The following CHSY3 variants were observed in gnomAD, a reference collection of about 807,000 sequenced individuals.
CHSY3 encodes N-acetylgalactosaminyl-proteoglycan 3-beta-glucuronosyltransferase 3.
In CHSY3, 35 loss-of-function variants were observed where a neutral mutation model predicts 67.2. The observed-to-expected ratio is 0.52, with a 90% CI of 0.40 to 0.69. The LOEUF (loss-of-function observed/expected upper bound fraction) is 0.69, where lower values mean the gene tolerates loss of function less well. Ranked by LOEUF, CHSY3 falls within the 30% of genes least tolerant of loss-of-function variation. The pLI is 0.00. For missense variants in CHSY3, 1,069 were observed against 1,138.5 expected (o/e 0.94, Z 0.88); for synonymous variants, 474 against 434.7 (o/e 1.09, Z -1.12).
At chr5:129,924,377 G>A (rs1018634718) in intron 2 of CHSY3, among the ~76,000 whole-genome samples, 3 of 152,088 alleles carry the variant, frequency 2.0e-5, no homozygotes, top group South Asian at 4.1e-4. Flanking sequence ...GCCGAGCGCA[G>A]TGGCTCATGC....
At chr5:130,041,616 T>G (rs1322628302) in intron 2 of CHSY3, among the ~76,000 whole-genome samples, 1 of 152,050 alleles carries the variant, frequency 6.6e-6, no homozygotes, top group African/African-American at 2.4e-5. Context: ...AAAGATAATA[T>G]TTAGTGAAAG....
At chr5:130,019,690 C>A (rs999692440) in intron 2 of CHSY3, among the ~76,000 whole-genome samples, 3 of 152,186 alleles carry the variant, frequency 2.0e-5, no homozygotes, top group African/African-American at 7.2e-5. Context: ...ACTACAATTT[C>A]ATAGGTGCTT....
chr5:129,912,545 G>T (rs973025347), intron 2 of CHSY3, among the ~76,000 whole-genome samples: 1 of 152,126 alleles, frequency 6.6e-6, no homozygotes, highest in Non-Finnish European at 1.5e-5. Context: ...CTTTTTCTCT[G>T]TCTTCTCTGC....
intron 2 of CHSY3, among the ~76,000 whole-genome samples, chr5:130,126,839 T>C (rs985541607): frequency 1.3e-5 from 2 of 152,180 alleles, no homozygotes; most frequent in Admixed American, 6.5e-5. Context: ...CCAGACTTTA[T>C]GGTCACATTG....
intron 2 of CHSY3, among the ~76,000 whole-genome samples, chr5:130,078,765 C>T (rs1161028465): frequency 6.6e-6 from 1 of 152,108 alleles, no homozygotes; most frequent in Non-Finnish European, 1.5e-5. Context: ...TTGCTCAGTG[C>T]TTGAACCTTC....
intron 2 of CHSY3, among the ~76,000 whole-genome samples, chr5:130,010,442 G>T (rs1764022306): frequency 6.6e-6 from 1 of 152,094 alleles, no homozygotes; most frequent in Admixed American, 6.6e-5. Flanking sequence ...AATGCAAACA[G>T]GGATACAATA....
chr5:130,141,040 T>C, intron 2 of CHSY3: 1 of 307,864 alleles, frequency 3.2e-6, no homozygotes, highest in Non-Finnish European at 5.3e-6. Flanking sequence ...TGGTTCATGG[T>C]TCTATTTGTA....
chr5:130,177,154 G>T, intron 2 of CHSY3, among the ~76,000 whole-genome samples: 1 of 150,346 alleles, frequency 6.7e-6, no homozygotes. Context: ...ACTTCATATG[G>T]GGCATATAAT....
intron 2 of CHSY3, among the ~76,000 whole-genome samples, chr5:130,072,357 TA>T (rs1416092005): frequency 6.6e-6 from 1 of 152,118 alleles, no homozygotes; most frequent in Non-Finnish European, 1.5e-5. Flanking sequence ...ACTTTTATTC[TA>T]ATGTCATTCT....
intron 2 of CHSY3, among the ~76,000 whole-genome samples, chr5:129,926,518 A>T (rs1213559467): frequency 1.3e-5 from 2 of 151,962 alleles, no homozygotes; most frequent in African/African-American, 2.4e-5. Flanking sequence ...TTCCACCCAT[A>T]TAATTGGTTA....
At chr5:130,150,095 A>G (rs1435969674) in intron 2 of CHSY3, among the ~76,000 whole-genome samples, 1 of 152,208 alleles carries the variant, frequency 6.6e-6, no homozygotes, top group Non-Finnish European at 1.5e-5. Context: ...AATTTTGTAA[A>G]GTAAGTATTT....
chr5:129,941,176 C>G (rs12517317), intron 2 of CHSY3, among the ~76,000 whole-genome samples: 83,685 of 151,806 alleles, frequency 0.55, 23,224 homozygotes, highest in Middle Eastern at 0.62. Flanking sequence ...GCAGCCCAGG[C>G]TGGGTGACAG....
chr5:130,057,715 C>A (rs1443168222), intron 2 of CHSY3, among the ~76,000 whole-genome samples: 1 of 152,126 alleles, frequency 6.6e-6, no homozygotes, highest in East Asian at 1.9e-4. Context: ...TTTCTCCATA[C>A]CTTCTCCAGT....
At chr5:129,964,669 T>C (rs2149609804) in intron 2 of CHSY3, among the ~76,000 whole-genome samples, 1 of 152,038 alleles carries the variant, frequency 6.6e-6, no homozygotes, top group East Asian at 1.9e-4. Context: ...CCCCTGTGTA[T>C]ATAGCAAATA....
intron 2 of CHSY3, among the ~76,000 whole-genome samples, chr5:130,118,000 C>T (rs773553823): frequency 6.6e-6 from 1 of 152,112 alleles, no homozygotes; most frequent in Non-Finnish European, 1.5e-5. Flanking sequence ...ACTCTGAGTT[C>T]CTGTGAGATC....
chr5:130,135,986 T>C (rs765619740), intron 2 of CHSY3, among the ~76,000 whole-genome samples: 2 of 152,244 alleles, frequency 1.3e-5, no homozygotes, highest in Non-Finnish European at 2.9e-5. Flanking sequence ...CATTATGCCA[T>C]GTGTTTAAAA....
At chr5:130,126,029 T>C (rs1768272434) in intron 2 of CHSY3, among the ~76,000 whole-genome samples, 1 of 152,166 alleles carries the variant, frequency 6.6e-6, no homozygotes, top group African/African-American at 2.4e-5. Context: ...ATACCTAGGA[T>C]ATGGTTTTTG....
chr5:129,930,047 C>A (rs752049689), intron 2 of CHSY3, among the ~76,000 whole-genome samples: 1 of 152,098 alleles, frequency 6.6e-6, no homozygotes, highest in Admixed American at 6.6e-5. Flanking sequence ...TCTATGCCTT[C>A]GGGCATGGTG....
intron 2 of CHSY3, among the ~76,000 whole-genome samples, chr5:130,119,493 G>A (rs76336799): frequency 1.6e-3 from 248 of 152,156 alleles, no homozygotes; most frequent in African/African-American, 5.8e-3. Context: ...GCCTCAGGTC[G>A]CAGGGAGGAG....
Sources: allele counts gnomAD v4.1 joint callset (sites outside exome capture counted in the v4.1 genomes callset), GRCh38; gene constraint gnomAD v4.1.1; transcripts MANE v1.5; gene names NCBI Gene and HGNC (gene_info 2026-07-23, HGNC 2026-07-21).